L3MBTL4: variants seen among roughly 807,000 people sequenced by gnomAD.
L3MBTL4 encodes the protein L3MBTL histone methyl-lysine binding protein 4, also known as lethal(3)malignant brain tumor-like protein 4.
A neutral mutation model predicts 84.5 loss-of-function variants in L3MBTL4; 70 were observed. The observed-to-expected ratio is 0.83, with a 90% confidence interval of 0.68 to 1.01. The LOEUF is 1.01. Ranked by LOEUF, L3MBTL4 falls within the 50% of genes least tolerant of loss-of-function variation. L3MBTL4 has a pLI of 0.00. For missense variants in L3MBTL4, 715 were observed against 754.8 expected, an observed-to-expected ratio of 0.95 and a Z score of 0.62; for synonymous variants, 274 against 259.8, an observed-to-expected ratio of 1.05 and a Z score of -0.52.
intron 1 of L3MBTL4, among the ~76,000 whole-genome samples, chr18:6,312,809 C>T (rs2050901597): frequency 6.6e-6 from 1 of 152,116 alleles, no homozygotes; most frequent in East Asian, 1.9e-4. Flanking sequence ...CTCCTATTAA[C>T]TCTGATCATT....
intron 4 of L3MBTL4, among the ~76,000 whole-genome samples, chr18:6,267,975 T>A (rs1421037774): frequency 6.6e-6 from 1 of 152,194 alleles, no homozygotes; most frequent in African/African-American, 2.4e-5. Context: ...TTGTTTTATT[T>A]TTCACAGAAA....
chr18:6,414,630 C>G lies in L3MBTL4; in HGVS notation c.-91+171G>C, dbSNP rs1274610173. ...AAAGAGAAAGAGAAAGAGCCTGGGC[C>G]GGGACCGGGGCTATCCCCAACCGCC... On this transcript the variant is annotated intron_variant, in intron 1 of 18. Transcript: ENST00000317931. The surrounding 1 kb of genome is among the most constrained non-coding windows in gnomAD (Gnocchi z 5.4). The G allele has an allele frequency of 1.3e-5, 2 of 152,100 alleles. No homozygotes were observed. The highest frequency in any genetic ancestry group is 2.9e-5 in the Non-Finnish European group (2 of 68,058). 9.4% of individuals were successfully genotyped at this position (152,100 alleles called of 1,614,324 possible).
chr18:6,150,302 G>A (rs146128120), intron 13 of L3MBTL4, among the ~76,000 whole-genome samples: 38 of 152,082 alleles, frequency 2.5e-4, no homozygotes, highest in Non-Finnish European at 3.8e-4. Flanking sequence ...CATCTAAAGC[G>A]GGAACTATGG....
At chr18:5,998,551 T>A (rs886201238) in intron 16 of L3MBTL4, among the ~76,000 whole-genome samples, 10 of 152,074 alleles carry the variant, frequency 6.6e-5, no homozygotes, top group Non-Finnish European at 1.5e-5. Flanking sequence ...AAGTACTTTG[T>A]CCCCATTTGG....
chr18:6,212,170 TG>T (rs2046136090), intron 12 of L3MBTL4, among the ~76,000 whole-genome samples: 1 of 152,226 alleles, frequency 6.6e-6, no homozygotes, highest in Non-Finnish European at 1.5e-5. Flanking sequence ...ACATAGTTTT[TG>T]TTTTCATTCA....
intron 1 of L3MBTL4, among the ~76,000 whole-genome samples, chr18:6,344,171 G>C (rs2052757402): frequency 6.6e-6 from 1 of 152,032 alleles, no homozygotes; most frequent in Admixed American, 6.6e-5. Context: ...GAAAAAAAGA[G>C]ATGATTCCAA....
intron 1 of L3MBTL4, among the ~76,000 whole-genome samples, chr18:6,374,993 G>GA (rs34637884): frequency 2.6e-5 from 4 of 152,256 alleles, no homozygotes; most frequent in East Asian, 3.9e-4. Context: ...CCAATAGTAT[G>GA]AAAAAATATA....
chr18:6,323,524 G>A (rs527491671), intron 1 of L3MBTL4, among the ~76,000 whole-genome samples: 7 of 152,336 alleles, frequency 4.6e-5, no homozygotes, highest in East Asian at 1.9e-4. Flanking sequence ...AAGCACTAGC[G>A]AAGAGCTTTG....
At chr18:6,273,705 A>C (rs1029167479) in intron 4 of L3MBTL4, among the ~76,000 whole-genome samples, 1 of 152,272 alleles carries the variant, frequency 6.6e-6, no homozygotes, top group Non-Finnish European at 1.5e-5. Context: ...AAGAGTCCCA[A>C]CTGGCCTGGG....
At chr18:6,163,737 A>G (rs2043484339) in intron 13 of L3MBTL4, among the ~76,000 whole-genome samples, 1 of 152,202 alleles carries the variant, frequency 6.6e-6, no homozygotes, top group African/African-American at 2.4e-5. Context: ...GCTCCAGTCT[A>G]CAGCTCCCAG....
intron 1 of L3MBTL4, among the ~76,000 whole-genome samples, chr18:6,362,120 A>T (rs1599777843): frequency 7.7e-6 from 1 of 129,506 alleles, no homozygotes; most frequent in Non-Finnish European, 1.6e-5. Context: ...AAAAGAAGAA[A>T]AGAAAAGAGG....
intron 16 of L3MBTL4, among the ~76,000 whole-genome samples, chr18:6,033,312 T>G (rs2055932398): frequency 6.6e-6 from 1 of 152,116 alleles, no homozygotes; most frequent in Admixed American, 6.5e-5. Flanking sequence ...GGTAACTATT[T>G]GCATGAAATG....
chr18:6,072,078 C>T (rs1339501834), intron 16 of L3MBTL4, among the ~76,000 whole-genome samples: 3 of 152,088 alleles, frequency 2.0e-5, no homozygotes, highest in Non-Finnish European at 2.9e-5. Flanking sequence ...AAATAAAATA[C>T]ATATTTCAAA....
chr18:6,110,322 A>G (rs1171166975), intron 14 of L3MBTL4, among the ~76,000 whole-genome samples: 2 of 151,700 alleles, frequency 1.3e-5, no homozygotes, highest in Non-Finnish European at 2.9e-5. Flanking sequence ...CTGCTTTTGT[A>G]TCTCTCTCTC....
At chr18:6,187,357 A>G (rs903244727) in intron 12 of L3MBTL4, among the ~76,000 whole-genome samples, 6 of 152,306 alleles carry the variant, frequency 3.9e-5, no homozygotes, top group Middle Eastern at 3.4e-3. Flanking sequence ...CTCGAATTCC[A>G]AAGTTTTCAT....
chr18:6,200,574 A>G (rs2045608678), intron 12 of L3MBTL4, among the ~76,000 whole-genome samples: 2 of 152,196 alleles, frequency 1.3e-5, no homozygotes, highest in South Asian at 4.1e-4. Flanking sequence ...TTACTACTCC[A>G]CAGTCCCACT....
At chr18:5,996,355 A>G (rs976303198) in intron 16 of L3MBTL4, among the ~76,000 whole-genome samples, 1 of 152,230 alleles carries the variant, frequency 6.6e-6, no homozygotes, top group Non-Finnish European at 1.5e-5. Context: ...CACACTGAAA[A>G]TCAGTAAGAT....
chr18:6,282,215 TG>T (rs2049351888), intron 4 of L3MBTL4, among the ~76,000 whole-genome samples: 1 of 152,192 alleles, frequency 6.6e-6, no homozygotes, highest in East Asian at 1.9e-4. Flanking sequence ...GAAACAAAAT[TG>T]TCCATCACAC....
At chr18:6,301,801 C>T in intron 4 of L3MBTL4, 102 bp downstream of exon 4, 1 of 860,034 alleles carries the variant, frequency 1.2e-6, no homozygotes, top group Admixed American at 1.7e-5. Context: ...ATTATTATCA[C>T]ATATTTTAAT....
Sources: gnomAD v4.1 joint callset for allele counts (sites outside exome capture counted in the v4.1 genomes callset) on GRCh38, gnomAD v4.1.1 for gene constraint, Gnocchi (gnomAD v3.1) non-coding constraint, MANE v1.5 for transcripts, NCBI Gene and HGNC (gene_info 2026-07-23, HGNC 2026-07-21) for gene names.